Variants in SLC1A3 observed in about 807,000 individuals in gnomAD.
SLC1A3 encodes solute carrier family 1 member 3, also known as excitatory amino acid transporter 1.
In SLC1A3, 21 loss-of-function variants were observed where a neutral mutation model predicts 48.1. The observed-to-expected ratio is 0.44, with a 90% CI of 0.31 to 0.63. The LOEUF (loss-of-function observed/expected upper bound fraction) is 0.63, where lower values mean the gene tolerates loss of function less well. Ranked by LOEUF, SLC1A3 falls within the 20% of genes least tolerant of loss-of-function variation. The probability of loss-of-function intolerance (pLI) is 0.08; values close to 1 mark genes in which losing one functional copy is unlikely to be tolerated. For missense variants in SLC1A3, 546 were observed against 689.0 expected, an observed-to-expected ratio of 0.79 and a Z score of 2.32; for synonymous variants, 239 against 251.4, an observed-to-expected ratio of 0.95 and a Z score of 0.47.
intron 3 of SLC1A3, among the ~76,000 whole-genome samples, chr5:36,662,921 C>A (rs1741576364): frequency 6.6e-6 from 1 of 152,216 alleles, no homozygotes; most frequent in Non-Finnish European, 1.5e-5. Context: ...GTCTCCACCC[C>A]AAAGGTTAAG....
At position 36,645,899 on chromosome 5, in the gene SLC1A3, A is replaced by G. The variant is rs574609341; in HGVS notation, c.319+16312A>G. ...GCTACACAAAATTTACTTCTACTTCATATACCAGTTTATCATGGTACAGAT... is the reference window on the plus strand; with the variant it reads ...GCTACACAAAATTTACTTCTACTTCGTATACCAGTTTATCATGGTACAGAT... On this transcript the variant is annotated intron_variant, in intron 3 of 9. Transcript: ENST00000265113. Among the ~76,000 whole-genome samples, 6 of 152,344 alleles carry G rather than the reference A, an allele frequency of 3.9e-5. 1 individual carries two copies. Among genetic ancestry groups the G allele is most frequent in the African/African-American group, 1.4e-4 (6 of 41,578 alleles).
Position 36,670,957 on chromosome 5 carries a change from CTGTTCCCATTGT to C in SLC1A3, c.320-70_320-59del, listed in dbSNP as rs888939387. The C allele has an allele frequency of 5.6e-5, 74 of 1,311,552 alleles. No homozygotes were observed. In the African/African-American group the frequency reaches 1.0e-3, roughly 19 times the overall value. The allele number at this position is 1,311,552 out of a possible 1,614,324, so 81.2% of individuals were successfully genotyped here. ...AGGGTAGGGGAGTATAAAGGAAATG[CTGTTCCCATTGT>C]TTTCCACTGGAGAATTCCCTGGACT... is the stretch of plus-strand genomic sequence containing the variant. On this transcript the variant is annotated intron_variant, in intron 3 of 9. Transcript: ENST00000265113.
At chr5:36,667,031 T>A (rs997214409) in intron 3 of SLC1A3, among the ~76,000 whole-genome samples, 1 of 152,236 alleles carries the variant, frequency 6.6e-6, no homozygotes, top group Non-Finnish European at 1.5e-5. Context: ...TCAGTCTCCT[T>A]CTGATGCTTA....
intron 3 of SLC1A3, among the ~76,000 whole-genome samples, chr5:36,661,191 C>G (rs1421139097): frequency 1.3e-5 from 2 of 152,224 alleles, no homozygotes; most frequent in African/African-American, 2.4e-5. Context: ...GCGGGCGGAT[C>G]ACCTGAGGTC....
intron 2 of SLC1A3, among the ~76,000 whole-genome samples, chr5:36,617,415 C>CTTT (rs34710652): frequency 2.8e-4 from 16 of 57,664 alleles, no homozygotes; most frequent in African/African-American, 7.1e-4. Flanking sequence ...AGGTTGCGGG[C>CTTT]TTTTTTTTTT....
At chr5:36,608,130 T>C (rs1436528332) in intron 1 of SLC1A3, 199 bp from the exon 2 acceptor site, 2 of 347,038 alleles carry the variant, frequency 5.8e-6, no homozygotes, top group African/African-American at 2.1e-5. Context: ...AAATAGAATA[T>C]ATTCCGAATT....
intron 3 of SLC1A3, among the ~76,000 whole-genome samples, chr5:36,652,689 A>C (rs1038626874): frequency 1.3e-5 from 2 of 152,258 alleles, no homozygotes; most frequent in Non-Finnish European, 2.9e-5. Flanking sequence ...TCTATGTATT[A>C]CTAACACTGC....
intron 3 of SLC1A3, among the ~76,000 whole-genome samples, chr5:36,642,680 G>C (rs1740662288): frequency 6.6e-6 from 1 of 151,998 alleles, no homozygotes; most frequent in Admixed American, 6.6e-5. Context: ...TATCACCCCA[G>C]AAATAAAGCC....
chr5:36,635,734 C>A (rs1740316263), intron 3 of SLC1A3, among the ~76,000 whole-genome samples: 1 of 152,152 alleles, frequency 6.6e-6, no homozygotes, highest in Non-Finnish European at 1.5e-5. Context: ...CACACTGCAC[C>A]CATGTTGTGA....
At chr5:36,670,870 C>T in intron 3 of SLC1A3, 159 bp from the exon 4 acceptor site, 2 of 695,874 alleles carry the variant, frequency 2.9e-6, no homozygotes, top group African/African-American at 1.8e-5. Context: ...TTTCCCTTCA[C>T]CTTGTGAGAT....
chr5:36,615,463 C>G (rs1220747868), intron 2 of SLC1A3, among the ~76,000 whole-genome samples: 2 of 152,176 alleles, frequency 1.3e-5, no homozygotes, highest in African/African-American at 4.8e-5. Context: ...CCCATTCTGG[C>G]TGGTCTCTCC....
intron 3 of SLC1A3, among the ~76,000 whole-genome samples, chr5:36,650,127 G>T (rs1741001829): frequency 6.6e-6 from 1 of 152,058 alleles, no homozygotes; most frequent in Admixed American, 6.6e-5. Context: ...AGAGGCGGGT[G>T]GGGAAACTAG....
At chr5:36,643,865 G>A (rs369589263) in intron 3 of SLC1A3, among the ~76,000 whole-genome samples, 2 of 151,980 alleles carry the variant, frequency 1.3e-5, no homozygotes, top group East Asian at 1.9e-4. Context: ...GTGGTGGCAT[G>A]AGCCTGTAAT....
chr5:36,630,053 C>T lies in SLC1A3; in HGVS notation c.319+466C>T, dbSNP rs905437494. 3.1e-4 allele frequency: 63 copies of T among 203,314 alleles called. 1 individual carries two copies. Among genetic ancestry groups the T allele is most frequent in the Admixed American group, 1.1e-3 (20 of 18,630 alleles). The allele number at this position is 203,314 out of a possible 1,614,324, so 12.6% of individuals were successfully genotyped here. A position where few individuals can be genotyped will look rare whatever the true frequency, so the allele number is the denominator to read the frequency against. On this transcript the variant is annotated intron_variant, in intron 3 of 9. Transcript: ENST00000265113. ...GGAAGCCTCATCAAGAGGTAATGCC[C>T]ACAACACTCACCAACTCTGCTGCCA...
intron 3 of SLC1A3, chr5:36,636,165 A>G (rs1740343222): frequency 6.6e-6 from 1 of 152,018 alleles, no homozygotes; most frequent in Non-Finnish European, 1.5e-5. Flanking sequence ...TTCATTCAGT[A>G]AGCATTTGTT....
chr5:36,625,190 G>T (rs2111736819), intron 2 of SLC1A3, among the ~76,000 whole-genome samples: 1 of 152,360 alleles, frequency 6.6e-6, no homozygotes, highest in Non-Finnish European at 1.5e-5. Context: ...TGGTACAGTG[G>T]CTCACGCCTG....
chr5:36,599,104 A>C (rs1738775866), intron 1 of SLC1A3, among the ~76,000 whole-genome samples: 1 of 152,190 alleles, frequency 6.6e-6, no homozygotes, highest in Non-Finnish European at 1.5e-5. Context: ...AACTCTATTC[A>C]AGTGCTCAAT....
chr5:36,625,898 G>A (rs1438941728), intron 2 of SLC1A3, among the ~76,000 whole-genome samples: 2 of 152,206 alleles, frequency 1.3e-5, no homozygotes, highest in African/African-American at 4.8e-5. Context: ...GCACTTCCCA[G>A]CAAGACCAGC....
chr5:36,650,660 C>A (rs1325889441), intron 3 of SLC1A3, among the ~76,000 whole-genome samples: 1 of 152,164 alleles, frequency 6.6e-6, no homozygotes, highest in Non-Finnish European at 1.5e-5. Flanking sequence ...CTTTCTCTTT[C>A]CCCCAAACCA....
Sources: gnomAD v4.1 joint callset for allele counts (sites outside exome capture counted in the v4.1 genomes callset) on GRCh38, gnomAD v4.1.1 for gene constraint, MANE v1.5 for transcripts, NCBI Gene and HGNC (gene_info 2026-07-23, HGNC 2026-07-21) for gene names.